Variants in ANKRD12 observed in about 807,000 individuals in gnomAD.
ANKRD12 encodes ankyrin repeat domain-containing protein 12.
Under a neutral mutation model 183.4 loss-of-function variants are expected in ANKRD12, and 85 were observed. The ratio of observed to expected loss-of-function variants is 0.46; its 90% confidence interval spans 0.39 to 0.56. The LOEUF is 0.56. ANKRD12 is among the 20% of genes least tolerant of loss of function. The probability of loss-of-function intolerance (pLI) is 0.00; values close to 1 mark genes in which losing one functional copy is unlikely to be tolerated. For synonymous variants in ANKRD12, 914 were observed against 800.2 expected (o/e 1.14, Z -2.40); for missense variants, 2,405 against 2,357.1 (o/e 1.02, Z -0.42).
chr18:9,261,085 CT>C (rs2038937391), intron 9 of ANKRD12, among the ~76,000 whole-genome samples: 1 of 151,990 alleles, frequency 6.6e-6, no homozygotes, highest in Admixed American at 6.6e-5. Context: ...AACCCATTTC[CT>C]TCACTCCCTC....
chr18:9,228,053 G>C (rs2036826614), intron 8 of ANKRD12, among the ~76,000 whole-genome samples: 1 of 152,010 alleles, frequency 6.6e-6, no homozygotes, highest in Admixed American at 6.6e-5. Flanking sequence ...AGAACATGCT[G>C]TCTTTGTCTT....
intron 7 of ANKRD12, 144 bp from the exon 8 acceptor site, chr18:9,221,708 T>G: frequency 1.3e-6 from 1 of 769,606 alleles, no homozygotes; most frequent in Non-Finnish European, 1.9e-6. Flanking sequence ...TTGAAGAGAA[T>G]AACGATTTAG....
Position 9,219,258 on chromosome 18 carries a change from G to A in ANKRD12, c.795+2358G>A, listed in dbSNP as rs114143215. 6.9e-3 allele frequency among the ~76,000 whole-genome samples: 1,045 copies of A among 152,212 alleles called. 21 individuals are homozygous for A. Among genetic ancestry groups the A allele is most frequent in the African/African-American group, 0.024 (987 of 41,532 alleles). On this transcript the variant is annotated intron_variant, in intron 7 of 12. Coordinates refer to ENST00000262126, the MANE Select transcript of ANKRD12 (RefSeq NM_015208.5). The stretch of plus-strand genomic sequence containing the variant: ...CAGCAATATCAAAATTCTTTATTCT[G>A]TTTTCTCATTCTAGGGCTCTAGTCT...
At chr18:9,166,184 T>A (rs1402436490) in intron 1 of ANKRD12, among the ~76,000 whole-genome samples, 2 of 152,182 alleles carry the variant, frequency 1.3e-5, no homozygotes, top group Non-Finnish European at 2.9e-5. Flanking sequence ...TAAACATACG[T>A]GTGCATGTGT....
At chr18:9,155,141 A>T (rs991239429) in intron 1 of ANKRD12, among the ~76,000 whole-genome samples, 6 of 152,236 alleles carry the variant, frequency 3.9e-5, no homozygotes. Flanking sequence ...AAAAAATAAG[A>T]AAGTTGCTTC....
At chr18:9,209,997 A>G (rs1349709191) in intron 5 of ANKRD12, among the ~76,000 whole-genome samples, 4 of 152,010 alleles carry the variant, frequency 2.6e-5, no homozygotes, top group African/African-American at 4.8e-5. Flanking sequence ...ATCTTTTGTT[A>G]TGGGTTAATT....
intron 8 of ANKRD12, among the ~76,000 whole-genome samples, chr18:9,225,864 A>G (rs1047854140): frequency 1.3e-5 from 2 of 152,024 alleles, no homozygotes; most frequent in African/African-American, 4.8e-5. Context: ...AACATCCTGT[A>G]CCCACTAACT....
chr18:9,247,206 T>G (rs2145076787), intron 8 of ANKRD12, among the ~76,000 whole-genome samples: 1 of 151,452 alleles, frequency 6.6e-6, no homozygotes, highest in South Asian at 2.1e-4. Context: ...ATTTAAAATC[T>G]TTGGGCTCAT....
At chr18:9,266,128 A>G (rs1158770864) in intron 10 of ANKRD12, among the ~76,000 whole-genome samples, 1 of 152,200 alleles carries the variant, frequency 6.6e-6, no homozygotes, top group Non-Finnish European at 1.5e-5. Flanking sequence ...AAAAGACCAA[A>G]TCTACGTCTG....
At chr18:9,241,740 C>T (rs1387054110) in intron 8 of ANKRD12, among the ~76,000 whole-genome samples, 2 of 152,196 alleles carry the variant, frequency 1.3e-5, no homozygotes, top group Admixed American at 6.5e-5. Flanking sequence ...GTGCTTTACA[C>T]ACAGATTTCT....
At chr18:9,184,467 A>G (rs527475636) in intron 2 of ANKRD12, among the ~76,000 whole-genome samples, 89 of 151,940 alleles carry the variant, frequency 5.9e-4, no homozygotes, top group African/African-American at 1.7e-3. Flanking sequence ...ATCTCAGCTC[A>G]CTGCAGCCTT....
chr18:9,160,560 C>A (rs1174570129), intron 1 of ANKRD12, among the ~76,000 whole-genome samples: 1 of 152,226 alleles, frequency 6.6e-6, no homozygotes, highest in African/African-American at 2.4e-5. Flanking sequence ...TTTTCCCAGT[C>A]CCCTGGCAAG....
At position 9,136,814 on chromosome 18, in the gene ANKRD12, G is replaced by A. The variant is rs920634332; in HGVS notation, c.-203G>A. On this transcript the variant is annotated 5_prime_UTR_variant, in exon 1 of 13. It adds an upstream start codon to the 5' untranslated region. Coordinates refer to ENST00000262126, the MANE Select transcript of ANKRD12 (RefSeq NM_015208.5). ...ACGCTGTCCTGGGAGCGAGGAGGCT[G>A]TGGTGAGAGACGGACCGAGACCGGA... is the stretch of plus-strand genomic sequence containing the variant. The A allele has an allele frequency of 1.3e-5, 2 of 152,286 alleles. No individual in the cohort carries two copies. Among genetic ancestry groups the A allele is most frequent in the African/African-American group, 2.4e-5 (1 of 41,460 alleles). The allele number at this position is 152,286 out of a possible 1,614,324, so 9.4% of individuals were successfully genotyped here.
rs776076768 is a variant in ANKRD12, at chr18:9,257,932, A to G, written c.4665A>G (p.Gln1555=). The G allele has an allele frequency of 9.9e-6, 16 of 1,613,894 alleles. No individual in the cohort carries two copies. Among genetic ancestry groups the G allele is most frequent in the Admixed American group, 3.3e-5 (2 of 59,944 alleles). Reference sequence around the variant, plus strand: ...ATACTTTTGTCCTAGGAGATGTTCAAAAAACAGATGCCTTTGTCCCAGTGT... The same window carrying G: ...ATACTTTTGTCCTAGGAGATGTTCAGAAAACAGATGCCTTTGTCCCAGTGT... ...TENTFVLGDV[Q]KTDAFVPVYS... is the part of the protein sequence containing the mutation. Residue 1555 remains glutamine, a synonymous_variant, in exon 9 of 13, where the codon CAA becomes CAG. Transcript: ENST00000262126.
At position 9,204,440 on chromosome 18, in the gene ANKRD12, C is replaced by CT. The variant is rs775536238; in HGVS notation, c.236-30dup. 4.2e-5 allele frequency: 63 copies of CT among 1,491,826 alleles called. No homozygotes were observed. In the South Asian group the frequency reaches 6.6e-4, roughly 16 times the overall value. The allele number at this position is 1,491,826 out of a possible 1,614,324, so 92.4% of individuals were successfully genotyped here. A position where few individuals can be genotyped will look rare whatever the true frequency, so the allele number is the denominator to read the frequency against. On this transcript the variant is annotated intron_variant, in intron 3 of 12. Transcript: ENST00000262126. The stretch of plus-strand genomic sequence containing the variant: ...TGAATTCTGCATTTCCCTCCGTGTG[C>CT]TTTTTTCTCTTCTCCTGTCTCTTCT...
chr18:9,201,071 A>G (rs1377633994), intron 3 of ANKRD12, among the ~76,000 whole-genome samples: 2 of 152,204 alleles, frequency 1.3e-5, no homozygotes, highest in Non-Finnish European at 1.5e-5. Context: ...AGCCTATTCT[A>G]GTTGCAGCGG....
At chr18:9,243,773 A>G (rs1308818010) in intron 8 of ANKRD12, among the ~76,000 whole-genome samples, 1 of 152,248 alleles carries the variant, frequency 6.6e-6, no homozygotes. Context: ...AATGGTTTTT[A>G]AAAAATGGAC....
intron 8 of ANKRD12, among the ~76,000 whole-genome samples, chr18:9,223,383 G>T (rs766233675): frequency 5.6e-4 from 85 of 151,738 alleles, no homozygotes; most frequent in Non-Finnish European, 1.2e-3. Context: ...CCTCCCCCGA[G>T]TAGCTGGGAC....
intron 10 of ANKRD12, among the ~76,000 whole-genome samples, chr18:9,266,092 G>T (rs901675253): frequency 9.2e-5 from 14 of 152,184 alleles, no homozygotes; most frequent in African/African-American, 3.4e-4. Context: ...AACGAACAAA[G>T]CCTCCAGGAA....
Sources: allele counts gnomAD v4.1 joint callset (sites outside exome capture counted in the v4.1 genomes callset), GRCh38; gene constraint gnomAD v4.1.1; transcripts MANE v1.5; gene names NCBI Gene and HGNC (gene_info 2026-07-23, HGNC 2026-07-21).